PCDH9: variants seen among roughly 807,000 people sequenced by gnomAD.
PCDH9 encodes protocadherin-9.
A neutral mutation model predicts 70.6 loss-of-function variants in PCDH9; 24 were observed. The ratio of observed to expected loss-of-function variants is 0.34; its 90% CI spans 0.25 to 0.48. PCDH9 has a LOEUF of 0.48. Ranked by LOEUF, PCDH9 falls within the 20% of genes least tolerant of loss-of-function variation. The probability of loss-of-function intolerance (pLI) is 0.99; values close to 1 mark genes in which losing one functional copy is unlikely to be tolerated. For synonymous variants in PCDH9, 562 were observed against 558.5 expected, an observed-to-expected ratio of 1.01 and a Z score of -0.09; for missense variants, 1,281 against 1,503.6, an observed-to-expected ratio of 0.85 and a Z score of 2.45.
intron 2 of PCDH9, among the ~76,000 whole-genome samples, chr13:67,106,169 C>T (rs1171707030): frequency 6.6e-6 from 1 of 152,078 alleles, no homozygotes; most frequent in Non-Finnish European, 1.5e-5. Context: ...AGTATCCTTG[C>T]TTATTTCAGA....
intron 3 of PCDH9, among the ~76,000 whole-genome samples, chr13:66,686,548 T>A (rs2078405045): frequency 1.3e-5 from 2 of 152,196 alleles, no homozygotes; most frequent in Non-Finnish European, 2.9e-5. Context: ...GTAACACCAA[T>A]TTATCTATAT....
chr13:66,839,195 C>A (rs1204147764), intron 3 of PCDH9, among the ~76,000 whole-genome samples: 1 of 151,826 alleles, frequency 6.6e-6, no homozygotes, highest in Non-Finnish European at 1.5e-5. Flanking sequence ...TATTAATGTG[C>A]AACAATCACT....
intron 4 of PCDH9, among the ~76,000 whole-genome samples, chr13:66,427,784 T>C (rs1352168964): frequency 1.3e-5 from 2 of 151,708 alleles, no homozygotes; most frequent in Non-Finnish European, 3.0e-5. Flanking sequence ...TATCAGGTAT[T>C]CTCTTACACA....
At chr13:66,708,259 C>T (rs1392567377) in intron 3 of PCDH9, among the ~76,000 whole-genome samples, 1 of 151,656 alleles carries the variant, frequency 6.6e-6, no homozygotes, top group African/African-American at 2.4e-5. Context: ...CCGTTTTAGC[C>T]GGGATGGTCT....
At chr13:66,446,751 A>G (rs115770946) in intron 4 of PCDH9, among the ~76,000 whole-genome samples, 2,764 of 152,214 alleles carry the variant, frequency 0.018, 75 homozygotes, top group East Asian at 0.082. Context: ...AGCATCGGTC[A>G]AATGTTAGAA....
chr13:66,821,625 CT>C (rs1415917609), intron 3 of PCDH9, among the ~76,000 whole-genome samples: 6 of 151,980 alleles, frequency 3.9e-5, no homozygotes, highest in Non-Finnish European at 8.8e-5. Context: ...GATGCAGGAA[CT>C]TTTTTTTATT....
At chr13:66,726,173 T>C (rs545991356) in intron 3 of PCDH9, among the ~76,000 whole-genome samples, 8 of 152,138 alleles carry the variant, frequency 5.3e-5, no homozygotes, top group African/African-American at 1.7e-4. Flanking sequence ...CATTCCTACA[T>C]TGGAAGGAAC....
At chr13:66,445,168 A>G (rs1958049471) in intron 4 of PCDH9, among the ~76,000 whole-genome samples, 1 of 146,948 alleles carries the variant, frequency 6.8e-6, no homozygotes, top group South Asian at 2.1e-4. Context: ...TATATTATAT[A>G]TTATATATAT....
chr13:66,778,628 C>G (rs886471957), intron 3 of PCDH9, among the ~76,000 whole-genome samples: 1 of 152,164 alleles, frequency 6.6e-6, no homozygotes, highest in African/African-American at 2.4e-5. Flanking sequence ...ATAACTAAAT[C>G]AAGATATTGT....
At chr13:66,786,625 A>G (rs2080083941) in intron 3 of PCDH9, among the ~76,000 whole-genome samples, 1 of 152,216 alleles carries the variant, frequency 6.6e-6, no homozygotes, top group Admixed American at 6.6e-5. Context: ...TATTACTTGC[A>G]GCCAAAATCA....
chr13:66,586,741 C>T (rs1219621064), intron 4 of PCDH9, among the ~76,000 whole-genome samples: 3 of 152,050 alleles, frequency 2.0e-5, no homozygotes, highest in African/African-American at 7.2e-5. Flanking sequence ...CATCAAAAAA[C>T]CCTACTGTAA....
At chr13:66,335,154 T>C (rs181543618) in intron 4 of PCDH9, among the ~76,000 whole-genome samples, 10 of 152,084 alleles carry the variant, frequency 6.6e-5, no homozygotes, top group African/African-American at 1.9e-4. Context: ...TGCTTCAGGG[T>C]GTTATTATTT....
chr13:66,685,987 C>G (rs113143603), intron 3 of PCDH9, among the ~76,000 whole-genome samples: 1,728 of 152,184 alleles, frequency 0.011, 37 homozygotes, highest in African/African-American at 0.039. Flanking sequence ...CAGATTAGAC[C>G]TTGGACTTGG....
intron 3 of PCDH9, among the ~76,000 whole-genome samples, chr13:66,902,790 A>G (rs1339596630): frequency 1.3e-5 from 2 of 151,732 alleles, no homozygotes; most frequent in Non-Finnish European, 3.0e-5. Context: ...AGTAAGTTGT[A>G]TGTTATGTGT....
chr13:66,844,525 C>G (rs1015222610), intron 3 of PCDH9, among the ~76,000 whole-genome samples: 5 of 150,144 alleles, frequency 3.3e-5, no homozygotes, highest in Non-Finnish European at 7.4e-5. Flanking sequence ...GTGGAGGTTG[C>G]AGTGAGCCGA....
At chr13:67,171,055 C>G (rs1186814992) in intron 2 of PCDH9, among the ~76,000 whole-genome samples, 1 of 152,140 alleles carries the variant, frequency 6.6e-6, no homozygotes, top group Non-Finnish European at 1.5e-5. Context: ...TTGGCAACTC[C>G]TGGCCGAAAT....
At chr13:66,327,238 A>G (rs947655061) in intron 4 of PCDH9, among the ~76,000 whole-genome samples, 1 of 152,174 alleles carries the variant, frequency 6.6e-6, no homozygotes, top group Non-Finnish European at 1.5e-5. Context: ...TAAAGTTTTG[A>G]TATCAGGGAT....
intron 2 of PCDH9, among the ~76,000 whole-genome samples, chr13:67,153,538 CT>C (rs547088338): frequency 1.1e-4 from 17 of 152,260 alleles, no homozygotes; most frequent in African/African-American, 4.1e-4. Context: ...AACATATTTT[CT>C]GTTTTTCAGA....
chr13:66,785,860 T>C (rs61959182), intron 3 of PCDH9, among the ~76,000 whole-genome samples: 1 of 152,122 alleles, frequency 6.6e-6, no homozygotes, highest in Non-Finnish European at 1.5e-5. Flanking sequence ...AAAAAAAATT[T>C]ACTGTTTGAG....
Sources: allele counts gnomAD v4.1 joint callset (sites outside exome capture counted in the v4.1 genomes callset), GRCh38; gene constraint gnomAD v4.1.1; transcripts MANE v1.5; gene names NCBI Gene and HGNC (gene_info 2026-07-23, HGNC 2026-07-21).